Variants in CRHBP observed in about 807,000 individuals in gnomAD.
The protein encoded by CRHBP is corticotropin-releasing hormone-binding protein.
Under a neutral mutation model 34.9 loss-of-function variants are expected in CRHBP, and 19 were observed. The observed-to-expected ratio is 0.55, with a 90% CI of 0.38 to 0.80. The LOEUF (loss-of-function observed/expected upper bound fraction) is 0.80, where lower values mean the gene tolerates loss of function less well. CRHBP is among the 30% of genes least tolerant of loss of function. The probability of loss-of-function intolerance (pLI) is 0.00; values close to 1 mark genes in which losing one functional copy is unlikely to be tolerated. For missense variants in CRHBP, 328 were observed against 409.2 expected (o/e 0.80, Z 1.71); for synonymous variants, 154 against 153.4 (o/e 1.00, Z -0.03).
Position 76,965,564 on chromosome 5 carries a change from T to C in CRHBP, c.811+2104T>C, listed in dbSNP as rs1017175825. ...ATTGGAGAGCACCTTTGAGGAGATATACCTCAGCTGGGTTAAAAAGTAAGA... is the reference window on the plus strand; with the variant it reads ...ATTGGAGAGCACCTTTGAGGAGATACACCTCAGCTGGGTTAAAAAGTAAGA... On this transcript the variant is annotated intron_variant, in intron 6 of 6. Transcript: ENST00000274368. Among the ~76,000 whole-genome samples, 6 of 152,194 alleles carry C rather than the reference T, an allele frequency of 3.9e-5. No homozygotes were observed. In the East Asian group the frequency reaches 1.2e-3, roughly 29 times the overall value.
At position 76,954,174 on chromosome 5, in the gene CRHBP, C is replaced by A; in HGVS notation, c.321C>A (p.Gly107=). 2.5e-6 allele frequency: 4 copies of A among 1,612,802 alleles called. No individual in the cohort carries two copies. Among genetic ancestry groups the A allele is most frequent in the Non-Finnish European group, 2.5e-6 (3 of 1,179,494 alleles). ...YDQVSIDCQG[G]DFLKVFDGWI... ...AGGTCTCCATCGACTGTCAGGGCGGCGACTTCCTGAAGGTGAGGCGCCCAC... is the reference window on the plus strand; with the variant it reads ...AGGTCTCCATCGACTGTCAGGGCGGAGACTTCCTGAAGGTGAGGCGCCCAC... Residue 107 remains glycine (G), a synonymous_variant, in exon 3 of 7, where the codon GGC becomes GGA. Coordinates refer to ENST00000274368, the MANE Select transcript of CRHBP (RefSeq NM_001882.4).
intron 1 of CRHBP, 108 bp from the exon 2 acceptor site, chr5:76,953,493 T>C: frequency 8.8e-7 from 1 of 1,136,584 alleles, no homozygotes. Flanking sequence ...ACATTACCCC[T>C]CTCTCTTTAT....
At chr5:76,953,337 G>C (rs1426875977) in intron 1 of CRHBP, 122 bp downstream of exon 1, 1 of 968,634 alleles carries the variant, frequency 1.0e-6, no homozygotes, top group East Asian at 2.6e-5. Flanking sequence ...GCTGGATGCT[G>C]TCTTGCCCCT....
chr5:76,968,204 GT>G (rs34392609), intron 6 of CRHBP, among the ~76,000 whole-genome samples: 48,498 of 132,130 alleles, frequency 0.37, 7,226 homozygotes, highest in East Asian at 0.53. Flanking sequence ...GTTTTTTTTT[GT>G]TTTTTTTTTT....
intron 2 of CRHBP, among the ~76,000 whole-genome samples, chr5:76,975,617 AC>A (rs575456583): frequency 2.6e-5 from 4 of 151,366 alleles, no homozygotes; most frequent in African/African-American, 9.7e-5. Flanking sequence ...AGCCTGTCCA[AC>A]ATGGTGAAAC....
intron 3 of CRHBP, among the ~76,000 whole-genome samples, chr5:76,978,855 A>C (rs1031107747): frequency 1.3e-5 from 2 of 152,276 alleles, no homozygotes; most frequent in Non-Finnish European, 2.9e-5. Context: ...GCAGCAGCAG[A>C]GTTTGATAAA....
At chr5:76,960,755 ATTGTTTTTTGTTTT>A (rs1198252850) in intron 5 of CRHBP, among the ~76,000 whole-genome samples, 1 of 147,982 alleles carries the variant, frequency 6.8e-6, no homozygotes, top group Non-Finnish European at 1.5e-5. Context: ...AGTACTTTTT[ATTGTTTTTTGTTTT>A]TTGTTTTTTT....
At chr5:76,969,768 C>T (rs548546816), downstream of CRHBP, among the ~76,000 whole-genome samples, 324 of 152,192 alleles carry the variant, frequency 2.1e-3, 3 homozygotes, top group African/African-American at 7.3e-3. Flanking sequence ...AAGGACCTTA[C>T]AACAACTCTC....
chr5:76,975,936 GTATATA>G, intron 2 of CRHBP, among the ~76,000 whole-genome samples: 1 of 135,274 alleles, frequency 7.4e-6, no homozygotes, highest in Non-Finnish European at 1.5e-5. Context: ...ATGTGTGTGT[GTATATA>G]TATATATATA....
chr5:76,961,014 G>A (rs770908973), intron 5 of CRHBP, among the ~76,000 whole-genome samples: 8 of 151,986 alleles, frequency 5.3e-5, no homozygotes, highest in East Asian at 1.9e-4. Flanking sequence ...TGATCTGCCC[G>A]CCTCGGCCTC....
intron 6 of CRHBP, among the ~76,000 whole-genome samples, chr5:76,967,138 A>G (rs1161978450): frequency 2.6e-5 from 4 of 152,142 alleles, no homozygotes; most frequent in Non-Finnish European, 5.9e-5. Context: ...GCTACTGGAG[A>G]GGCTGAGTTA....
At chr5:76,954,255 T>G (rs1305842528) in intron 3 of CRHBP, 69 bp downstream of exon 3, 3 of 1,538,032 alleles carry the variant, frequency 2.0e-6, no homozygotes, top group African/African-American at 2.8e-5. Context: ...GCTGGGGCGC[T>G]GCACCCAGCG....
intron 3 of CRHBP, among the ~76,000 whole-genome samples, chr5:76,978,802 A>AATGGTACATAAACTTAG (rs1162901673): frequency 6.6e-6 from 1 of 152,276 alleles, no homozygotes. Flanking sequence ...ACAAATTTAG[A>AATGGTACATAAACTTAG]ATGGTACATA....
rs369495742 is a variant in CRHBP, at chr5:76,955,771, G to A, written c.452G>A (p.Arg151Lys). The A allele has an allele frequency of 6.2e-7, 1 of 1,614,202 alleles. No homozygotes were observed. Among genetic ancestry groups the A allele is most frequent in the Non-Finnish European group, 8.5e-7 (1 of 1,180,042 alleles). ...CESGLSRRSI[R>K]SSQNVAMIFF... is the part of the protein sequence containing the mutation. ...AGTGGTCTTAGCAGGAGGAGCATCA[G>A]ATCTTCCCAGAATGTGGCCATGATC... Residue 151 changes from arginine (R) to lysine (K), a missense_variant, in exon 4 of 7, where the codon AGA becomes AAA. By Grantham distance (26) the Arg-to-Lys change is conservative. Around this residue, in one of 3 missense-constraint regions of CRHBP, gnomAD observed 173 missense variants for 172.2 expected, o/e 1.00. Transcript: ENST00000274368.
intron 4 of CRHBP, among the ~76,000 whole-genome samples, chr5:76,958,160 GAA>G (rs888448476): frequency 7.1e-6 from 1 of 140,564 alleles, no homozygotes; most frequent in Admixed American, 7.2e-5. Context: ...TTCCATCTCA[GAA>G]AAAAAAAAAG....
At chr5:76,980,240 G>A (rs1746099499) in intron 3 of CRHBP, among the ~76,000 whole-genome samples, 1 of 118,926 alleles carries the variant, frequency 8.4e-6, no homozygotes, top group Non-Finnish European at 1.7e-5. Flanking sequence ...GGGCGACAGA[G>A]CGAGACTCCG....
chr5:76,963,547 T>G (rs1483059845), intron 6 of CRHBP, 87 bp downstream of exon 6: 1 of 1,208,444 alleles, frequency 8.3e-7, no homozygotes, highest in South Asian at 1.4e-5. Flanking sequence ...CATTGGAAGG[T>G]GAGTTTCGCC....
At chr5:76,953,309 G>A in intron 1 of CRHBP, 94 bp downstream of exon 1, 3 of 1,193,566 alleles carry the variant, frequency 2.5e-6, no homozygotes, top group Middle Eastern at 1.9e-4. Context: ...TTTGGGGTTC[G>A]CTGTTTCTTC....
chr5:76,972,971 T>G (rs1410438647), downstream of CRHBP, among the ~76,000 whole-genome samples: 1 of 152,164 alleles, frequency 6.6e-6, no homozygotes, highest in East Asian at 1.9e-4. Flanking sequence ...CTACTATCTG[T>G]TAGACACAGA....
Sources: allele counts gnomAD v4.1 joint callset (sites outside exome capture counted in the v4.1 genomes callset), GRCh38; gene constraint gnomAD v4.1.1; regional missense constraint gnomAD v4.1.1; transcripts MANE v1.5; gene names NCBI Gene and HGNC (gene_info 2026-07-23, HGNC 2026-07-21).